Variants in TMEM132D observed in about 807,000 individuals in gnomAD.
TMEM132D encodes the protein transmembrane protein 132D.
In TMEM132D, 21 loss-of-function variants were observed where a neutral mutation model predicts 62.3. That is an observed-to-expected ratio of 0.34 (90% confidence interval 0.24 to 0.49). TMEM132D has a LOEUF of 0.49. Ranked by LOEUF, TMEM132D falls within the 20% of genes least tolerant of loss-of-function variation. The probability of loss-of-function intolerance (pLI) is 0.99; values close to 1 mark genes in which losing one functional copy is unlikely to be tolerated. For missense variants in TMEM132D, 1,346 were observed against 1,402.8 expected (o/e 0.96, Z 0.65); for synonymous variants, 621 against 575.6 (o/e 1.08, Z -1.13).
At chr12:129,473,888 G>A (rs1184579244) in intron 3 of TMEM132D, among the ~76,000 whole-genome samples, 5 of 152,194 alleles carry the variant, frequency 3.3e-5, no homozygotes, top group Admixed American at 6.5e-5. Flanking sequence ...CAACAAAAAC[G>A]TCCCAATGAG....
At chr12:129,740,898 C>T (rs1002864687) in intron 1 of TMEM132D, among the ~76,000 whole-genome samples, 5 of 152,162 alleles carry the variant, frequency 3.3e-5, no homozygotes, top group Non-Finnish European at 7.3e-5. Flanking sequence ...ATTTCCTGTA[C>T]ACACTATTCA....
rs2137289063 is a variant in TMEM132D at position 129,779,012 on chromosome 12, A to T, written c.80-78314T>A. Among the ~76,000 whole-genome samples the T allele has an allele frequency of 6.6e-6, 1 of 152,338 alleles. No homozygotes were observed. Among genetic ancestry groups the T allele is most frequent in the Non-Finnish European group, 1.5e-5 (1 of 68,030 alleles). ...CTCACGTAAATACTATCTAGTGCTA[A>T]GCACTCCTGGGCTAGAATTGTGCCT... On this transcript the variant is annotated intron_variant, in intron 1 of 8. Coordinates refer to ENST00000422113, the MANE Select transcript of TMEM132D (RefSeq NM_133448.3). The surrounding 1 kb of genome is among the most constrained non-coding windows in gnomAD (Gnocchi z 4.1).
chr12:129,344,274 T>G (rs1869611033), intron 3 of TMEM132D, among the ~76,000 whole-genome samples: 1 of 152,200 alleles, frequency 6.6e-6, no homozygotes, highest in African/African-American at 2.4e-5. Flanking sequence ...CAGATGGGAC[T>G]ACAGTGCAGA....
chr12:129,402,482 G>A (rs187000743), intron 3 of TMEM132D, among the ~76,000 whole-genome samples: 1 of 152,290 alleles, frequency 6.6e-6, no homozygotes, highest in Non-Finnish European at 1.5e-5. Context: ...GGGTCTGTGA[G>A]ACTTACTTAC....
chr12:129,135,832 C>T (rs1345336595), intron 5 of TMEM132D, among the ~76,000 whole-genome samples: 1 of 152,138 alleles, frequency 6.6e-6, no homozygotes, highest in Non-Finnish European at 1.5e-5. Context: ...TCAGTCTCTG[C>T]TTTCATTTCA....
intron 3 of TMEM132D, among the ~76,000 whole-genome samples, chr12:129,348,751 T>C (rs1031038736): frequency 5.3e-5 from 8 of 152,036 alleles, no homozygotes; most frequent in East Asian, 1.9e-4. Flanking sequence ...AAACTGGCCA[T>C]TGGGAGAGGG....
intron 5 of TMEM132D, among the ~76,000 whole-genome samples, chr12:129,121,543 A>C (rs1209047378): frequency 2.0e-5 from 3 of 152,182 alleles, no homozygotes; most frequent in Admixed American, 6.5e-5. Flanking sequence ...AATTTTGAGA[A>C]GGACTCAACC....
chr12:129,444,290 C>T (rs1466953450), intron 3 of TMEM132D, among the ~76,000 whole-genome samples: 1 of 151,998 alleles, frequency 6.6e-6, no homozygotes, highest in Non-Finnish European at 1.5e-5. Context: ...ATCTTCTGCA[C>T]AACAAAAGAA....
At chr12:129,326,753 G>A (rs1303213474) in intron 4 of TMEM132D, among the ~76,000 whole-genome samples, 1 of 152,152 alleles carries the variant, frequency 6.6e-6, no homozygotes, top group Non-Finnish European at 1.5e-5. Flanking sequence ...AACAAATAAA[G>A]TAGCACTTAC....
chr12:129,536,421 T>TA (rs1876391888), intron 2 of TMEM132D, among the ~76,000 whole-genome samples: 1 of 150,820 alleles, frequency 6.6e-6, no homozygotes, highest in Non-Finnish European at 1.5e-5. Context: ...TCATTTTTTT[T>TA]ATAGGTCATA....
At chr12:129,758,392 C>G (rs1404048600) in intron 1 of TMEM132D, among the ~76,000 whole-genome samples, 1 of 152,148 alleles carries the variant, frequency 6.6e-6, no homozygotes, top group Non-Finnish European at 1.5e-5. Flanking sequence ...CGGATTATAG[C>G]AGATTTCATG....
rs556007972 is a variant in TMEM132D, at chr12:129,764,437, C to T, written c.80-63739G>A. On this transcript the variant is annotated intron_variant, in intron 1 of 8. Transcript: ENST00000422113. ...AATTGTAAAAGAGCTTCAAAAATTACAGGCTTTTCTTTCTGGTAACCTTTT... is the reference window on the plus strand; with the variant it reads ...AATTGTAAAAGAGCTTCAAAAATTATAGGCTTTTCTTTCTGGTAACCTTTT... Among the ~76,000 whole-genome samples the T allele has an allele frequency of 3.9e-5, 6 of 152,290 alleles. No individual in the cohort carries two copies. The South Asian group carries it at 1.2e-3, about 32-fold the overall frequency.
At chr12:129,356,147 ATTTTTTTTTTTTT>A (rs35842499) in intron 3 of TMEM132D, among the ~76,000 whole-genome samples, 2 of 36,562 alleles carry the variant, frequency 5.5e-5, no homozygotes, top group East Asian at 1.3e-3. Flanking sequence ...AACTGAAGGG[ATTTTTTTTTTTTT>A]TTTTTTTTTT....
At chr12:129,214,657 A>T (rs1879152804) in intron 4 of TMEM132D, among the ~76,000 whole-genome samples, 1 of 152,248 alleles carries the variant, frequency 6.6e-6, no homozygotes, top group Admixed American at 6.5e-5. Context: ...TGAAAAAACA[A>T]ACAAAAACTC....
At chr12:129,564,816 AG>A (rs1292709207) in intron 2 of TMEM132D, among the ~76,000 whole-genome samples, 2 of 152,198 alleles carry the variant, frequency 1.3e-5, no homozygotes, top group Non-Finnish European at 2.9e-5. Context: ...GATGGTGCAA[AG>A]GCAATGATGG....
chr12:129,519,566 AG>A (rs1315495864), intron 3 of TMEM132D, among the ~76,000 whole-genome samples: 3 of 102,270 alleles, frequency 2.9e-5, no homozygotes, highest in African/African-American at 1.2e-4. Context: ...TAAATGTCAC[AG>A]AATTGTCAAA....
chr12:129,578,991 C>T (rs1877765856), intron 2 of TMEM132D, among the ~76,000 whole-genome samples: 4 of 152,188 alleles, frequency 2.6e-5, no homozygotes, highest in Admixed American at 2.0e-4. Context: ...CATGTTAACA[C>T]ATCAAAAATT....
chr12:129,110,839 A>G (rs532877692), intron 5 of TMEM132D: 1 of 152,454 alleles, frequency 6.6e-6, no homozygotes, highest in African/African-American at 2.4e-5. Context: ...AGCTATGAAA[A>G]GAAGCCAGCC....
At chr12:129,695,504 G>A (rs572415267) in intron 2 of TMEM132D, among the ~76,000 whole-genome samples, 2 of 152,336 alleles carry the variant, frequency 1.3e-5, no homozygotes, top group African/African-American at 4.8e-5. Flanking sequence ...ACAACGGGAT[G>A]TACAATCCCA....
Sources: gnomAD v4.1 joint callset for allele counts (sites outside exome capture counted in the v4.1 genomes callset) on GRCh38, gnomAD v4.1.1 for gene constraint, Gnocchi (gnomAD v3.1) non-coding constraint, MANE v1.5 for transcripts, NCBI Gene and HGNC (gene_info 2026-07-23, HGNC 2026-07-21) for gene names.